The following PDS5A variants were observed in gnomAD, a reference collection of about 807,000 sequenced individuals.
The protein encoded by PDS5A is PDS5 cohesin associated factor A.
In PDS5A, 42 loss-of-function variants were observed where a neutral mutation model predicts 167.1. The ratio of observed to expected loss-of-function variants is 0.25; its 90% CI spans 0.20 to 0.33. PDS5A has a LOEUF of 0.33. Among genes scored for constraint, PDS5A ranks in the 10% least tolerant of loss-of-function variants. PDS5A has a pLI of 1.00. For synonymous variants in PDS5A, 553 were observed against 554.6 expected, an observed-to-expected ratio of 1.00 and a Z score of 0.04; for missense variants, 1,033 against 1,605.9, an observed-to-expected ratio of 0.64 and a Z score of 6.10.
At chr4:39,930,246 A>AAAAAAAAAAAAAAATTTTTTTTTTTT in intron 2 of PDS5A, among the ~76,000 whole-genome samples, 3 of 93,090 alleles carry the variant, frequency 3.2e-5, no homozygotes, top group Non-Finnish European at 6.7e-5. Context: ...AAAAAAAAAA[A>AAAAAAAAAAAAAAATTTTTTTTTTTT]GTTTTTTTGT....
intron 31 of PDS5A, 75 bp downstream of exon 31, chr4:39,841,873 T>C (rs370289860): frequency 1.3e-6 from 1 of 776,280 alleles, no homozygotes; most frequent in Non-Finnish European, 2.2e-6. Context: ...GTGTTGGCTG[T>C]AGATTTCTTA....
Position 39,942,116 on chromosome 4 carries a change from G to GCATT in PDS5A, c.139-13956_139-13953dup, listed in dbSNP as rs561823677. Among the ~76,000 whole-genome samples the GCATT allele has an allele frequency of 9.6e-3, 1,457 of 152,102 alleles. 15 individuals are homozygous for GCATT. The highest frequency in any genetic ancestry group is 0.031 in the Middle Eastern group (9 of 294). On this transcript the variant is annotated intron_variant, in intron 2 of 32. Transcript: ENST00000303538. The stretch of plus-strand genomic sequence containing the variant: ...ACTCAAAGAGTGATTTCCTATGGCC[G>GCATT]CATTCCTTATGACATTTTAAACATC...
Position 39,863,603 on chromosome 4 carries a change from C to A in PDS5A, c.2643-144G>T. ...CAAATATGGGAAAGCTACTTTGAGT[C>A]CATGAACTTAACACAGGGGATTGTG... On this transcript the variant is annotated intron_variant, in intron 23 of 32. Transcript: ENST00000303538. The A allele has an allele frequency of 1.8e-5, 10 of 547,414 alleles. No homozygotes were observed. The South Asian group carries it at 2.6e-4, about 14-fold the overall frequency. The allele number at this position is 547,414 out of a possible 1,614,324, so 33.9% of individuals were successfully genotyped here. A position where few individuals can be genotyped will look rare whatever the true frequency, so the allele number is the denominator to read the frequency against.
At chr4:39,874,237 A>G in intron 20 of PDS5A, 52 bp downstream of exon 20, 1 of 1,495,914 alleles carries the variant, frequency 6.7e-7, no homozygotes, top group South Asian at 1.2e-5. Flanking sequence ...ATCAAACTAT[A>G]GAGCTTAAAA....
Position 39,838,109 on chromosome 4 carries a change from T to C in PDS5A, c.3757A>G (p.Thr1253Ala), listed in dbSNP as rs1210472383. 6.2e-7 allele frequency: 1 copy of C among 1,613,896 alleles called. No homozygotes were observed. The highest frequency in any genetic ancestry group is 1.1e-5 in the South Asian group (1 of 91,044). ...CCCGATTCATCTACTTTCTCATCTGTTTTTTGTTGGATATTCTCTGCACCA... is the reference window on the plus strand; with the variant it reads ...CCCGATTCATCTACTTTCTCATCTGCTTTTTGTTGGATATTCTCTGCACCA... ...AAGAENIQQK[T>A]DEKVDESGPP... is the part of the protein sequence containing the mutation. Residue 1253 changes from threonine to alanine, a missense_variant, in exon 32 of 33, where the codon ACA becomes GCA. Physicochemically the swap from Thr to Ala is moderately conservative, Grantham distance 58. Transcript: ENST00000303538.
intron 32 of PDS5A, among the ~76,000 whole-genome samples, chr4:39,827,399 A>G (rs1232866438): frequency 6.6e-6 from 1 of 152,086 alleles, no homozygotes; most frequent in Non-Finnish European, 1.5e-5. Context: ...CTTCTGAAAG[A>G]CCCAGGTCAC....
At position 39,866,272 on chromosome 4, in the gene PDS5A, G is replaced by A. The variant is rs535932617; in HGVS notation, c.2642+589C>T. ...TGGGATTACAGGCATGTGCCACCAT[G>A]CCTGGCTAATTTTTGTTTTTTGTTT... On this transcript the variant is annotated intron_variant, in intron 23 of 32. Coordinates refer to ENST00000303538, the MANE Select transcript of PDS5A (RefSeq NM_001100399.2). Among the ~76,000 whole-genome samples, 18 of 152,234 alleles carry A rather than the reference G, an allele frequency of 1.2e-4. No individual in the cohort carries two copies. In the East Asian group the frequency reaches 2.9e-3, roughly 25 times the overall value.
intron 2 of PDS5A, among the ~76,000 whole-genome samples, chr4:39,953,188 A>AAG (rs1728575898): frequency 6.6e-6 from 1 of 152,198 alleles, no homozygotes; most frequent in Non-Finnish European, 1.5e-5. Flanking sequence ...CTTCTACCTT[A>AAG]GGACACAACA....
chr4:39,972,357 T>C (rs1037446462), intron 2 of PDS5A, among the ~76,000 whole-genome samples: 1 of 151,960 alleles, frequency 6.6e-6, no homozygotes, highest in African/African-American at 2.4e-5. Context: ...CCGTCTCTAC[T>C]AAAAATACAA....
intron 2 of PDS5A, among the ~76,000 whole-genome samples, chr4:39,944,464 T>C (rs1275974864): frequency 6.6e-6 from 1 of 151,934 alleles, no homozygotes; most frequent in East Asian, 1.9e-4. Flanking sequence ...GAGGCCGAGG[T>C]GGGCGGATAC....
chr4:39,832,264 A>G (rs1227800675), intron 32 of PDS5A, among the ~76,000 whole-genome samples: 1 of 151,202 alleles, frequency 6.6e-6, no homozygotes, highest in East Asian at 2.0e-4. Flanking sequence ...CCCAGGCTGG[A>G]GTGCAGTGGT....
At chr4:39,872,869 C>A in intron 21 of PDS5A, 117 bp downstream of exon 21, 1 of 499,904 alleles carries the variant, frequency 2.0e-6, no homozygotes, top group East Asian at 3.4e-5. Flanking sequence ...TAAGTAGAAC[C>A]AATATAGAAT....
At chr4:39,972,407 C>T (rs1170465684) in intron 2 of PDS5A, among the ~76,000 whole-genome samples, 1 of 152,172 alleles carries the variant, frequency 6.6e-6, no homozygotes, top group Admixed American at 6.6e-5. Context: ...CTAATCCCAG[C>T]TACTTGGGAG....
intron 11 of PDS5A, among the ~76,000 whole-genome samples, chr4:39,905,590 C>A (rs529177285): frequency 1.3e-5 from 2 of 152,084 alleles, no homozygotes; most frequent in South Asian, 4.1e-4. Context: ...AACTGACCAA[C>A]TATTCAAGGA....
rs1719050378 is a variant in PDS5A, at chr4:39,862,108, G to A, written c.3086+111C>T. On this transcript the variant is annotated intron_variant, in intron 26 of 32. Transcript: ENST00000303538. ...TTATAATAAATGAATAAAACCATAA[G>A]GAGATTCTAATTCTAATGTAAATAA... The A allele has an allele frequency of 9.0e-6, 4 of 444,592 alleles. No individual in the cohort carries two copies. In the Admixed American group the frequency reaches 1.2e-4, roughly 13 times the overall value. The allele number at this position is 444,592 out of a possible 1,614,324, so 27.5% of individuals were successfully genotyped here.
At chr4:39,936,149 G>GT (rs1471502634) in intron 2 of PDS5A, among the ~76,000 whole-genome samples, 1 of 152,168 alleles carries the variant, frequency 6.6e-6, no homozygotes, top group African/African-American at 2.4e-5. Flanking sequence ...TTTCAATGCT[G>GT]TGTATGTATG....
intron 2 of PDS5A, among the ~76,000 whole-genome samples, chr4:39,962,341 C>A (rs1022168533): frequency 2.0e-5 from 3 of 152,158 alleles, no homozygotes; most frequent in African/African-American, 7.2e-5. Flanking sequence ...CAGGCGTAAG[C>A]CACCGCGCCC....
intron 2 of PDS5A, among the ~76,000 whole-genome samples, chr4:39,943,559 G>A (rs1195996146): frequency 2.7e-5 from 4 of 150,638 alleles, no homozygotes; most frequent in Admixed American, 1.3e-4. Flanking sequence ...CAGGGCAGGC[G>A]GATCACTTGA....
intron 21 of PDS5A, 113 bp from the exon 22 acceptor site, chr4:39,869,575 C>A: frequency 1.4e-6 from 1 of 701,510 alleles, no homozygotes; most frequent in East Asian, 2.5e-5. Flanking sequence ...ACGGGAACAT[C>A]ACCAACCAGA....
Sources: gnomAD v4.1 joint callset for allele counts (sites outside exome capture counted in the v4.1 genomes callset) on GRCh38, gnomAD v4.1.1 for gene constraint, MANE v1.5 for transcripts, NCBI Gene and HGNC (gene_info 2026-07-23, HGNC 2026-07-21) for gene names.